Variants in CSMD1 observed in about 807,000 individuals in gnomAD.
The protein encoded by CSMD1 is CUB and sushi domain-containing protein 1.
Under a neutral mutation model 417.5 loss-of-function variants are expected in CSMD1, and 213 were observed. The observed-to-expected ratio is 0.51, with a 90% CI of 0.46 to 0.57. CSMD1 has a LOEUF of 0.57. Among genes scored for constraint, CSMD1 ranks in the 20% least tolerant of loss-of-function variants. The pLI is 0.00. For synonymous variants in CSMD1, 2,862 were observed against 1,736.8 expected (o/e 1.65, Z -16.11); for missense variants, 6,923 against 4,529.7 (o/e 1.53, Z -15.17).
intron 21 of CSMD1, among the ~76,000 whole-genome samples, chr8:3,350,130 TATA>T (rs1402908384): frequency 2.9e-5 from 3 of 103,038 alleles, no homozygotes; most frequent in Non-Finnish European, 4.0e-5. Context: ...TTACAATACC[TATA>T]ATAACCTATA....
At chr8:3,789,868 A>G (rs1167770620) in intron 5 of CSMD1, among the ~76,000 whole-genome samples, 1 of 151,724 alleles carries the variant, frequency 6.6e-6, no homozygotes, top group Admixed American at 6.6e-5. Flanking sequence ...AGTAGCTGGG[A>G]CTACAGCTGC....
At chr8:3,251,653 G>C (rs1800271631) in intron 26 of CSMD1, among the ~76,000 whole-genome samples, 1 of 152,108 alleles carries the variant, frequency 6.6e-6, no homozygotes, top group African/African-American at 2.4e-5. Flanking sequence ...ATTACCTTGG[G>C]CAGCATGGGC....
intron 1 of CSMD1, among the ~76,000 whole-genome samples, chr8:4,904,479 G>A (rs1413570357): frequency 6.6e-6 from 1 of 152,100 alleles, no homozygotes; most frequent in East Asian, 1.9e-4. Context: ...CAAACAGCTG[G>A]TAGGGCTCAA....
intron 2 of CSMD1, among the ~76,000 whole-genome samples, chr8:4,438,862 C>T (rs895910116): frequency 1.8e-4 from 27 of 152,260 alleles, no homozygotes; most frequent in East Asian, 5.8e-4. Context: ...ATCTGTATCA[C>T]GTTCCCTTGA....
At chr8:3,784,863 C>T (rs558997695) in intron 5 of CSMD1, among the ~76,000 whole-genome samples, 1 of 152,322 alleles carries the variant, frequency 6.6e-6, no homozygotes, top group South Asian at 2.1e-4. Flanking sequence ...CATCACAATA[C>T]TGATGTTAAC....
intron 3 of CSMD1, among the ~76,000 whole-genome samples, chr8:4,123,877 G>C (rs1802619293): frequency 6.6e-6 from 1 of 152,092 alleles, no homozygotes; most frequent in Non-Finnish European, 1.5e-5. Context: ...ACATTCCAGG[G>C]TTGTATGTGA....
rs146457961 is a variant in CSMD1 at position 4,937,811 on chromosome 8, C to T, written c.85+56521G>A. ...ACACACACACACACACACACAACTA[C>T]AAAGTGTCAGAATTTTAATCACACA... On this transcript the variant is annotated intron_variant, in intron 1 of 69. Transcript: ENST00000635120. Among the ~76,000 whole-genome samples the T allele has an allele frequency of 1.2e-3, 187 of 151,754 alleles. 1 individual carries two copies. The highest frequency in any genetic ancestry group is 4.4e-3 in the African/African-American group (181 of 41,410).
At chr8:4,095,830 T>A (rs1031031087) in intron 3 of CSMD1, among the ~76,000 whole-genome samples, 2 of 152,240 alleles carry the variant, frequency 1.3e-5, no homozygotes, top group African/African-American at 4.8e-5. Context: ...TGTTTTTGCA[T>A]TGGAATGTAT....
At chr8:3,106,897 G>A in intron 45 of CSMD1, 1 of 330,856 alleles carries the variant, frequency 3.0e-6, no homozygotes, top group South Asian at 8.0e-5. Context: ...AGGCATCCGT[G>A]TTGGTTTCCC....
At position 4,500,535 on chromosome 8, in the gene CSMD1, A is replaced by T. The variant is rs186136762; in HGVS notation, c.303-80470T>A. 2.6e-5 allele frequency among the ~76,000 whole-genome samples: 4 copies of T among 152,288 alleles called. No individual in the cohort carries two copies. In the East Asian group the frequency reaches 7.7e-4, roughly 29 times the overall value. On this transcript the variant is annotated intron_variant, in intron 2 of 69. Coordinates refer to ENST00000635120, the MANE Select transcript of CSMD1 (RefSeq NM_033225.6). ...AAGCATTTAAGATGAAGGAATCTACAGAGTTTATCTTGGGTGCCACAGACT... is the reference window on the plus strand; with the variant it reads ...AAGCATTTAAGATGAAGGAATCTACTGAGTTTATCTTGGGTGCCACAGACT...
intron 10 of CSMD1, among the ~76,000 whole-genome samples, chr8:3,518,313 C>T (rs1260045781): frequency 6.6e-6 from 1 of 152,118 alleles, no homozygotes; most frequent in Non-Finnish European, 1.5e-5. Flanking sequence ...AAAGCTGACG[C>T]AAATTCCTCT....
intron 10 of CSMD1, among the ~76,000 whole-genome samples, chr8:3,530,244 T>C (rs1797921539): frequency 6.6e-6 from 1 of 152,220 alleles, no homozygotes; most frequent in Non-Finnish European, 1.5e-5. Context: ...CTCTTTAAAA[T>C]ATATTAGGTT....
chr8:3,881,346 C>G (rs1585133308), intron 5 of CSMD1, among the ~76,000 whole-genome samples: 1 of 150,246 alleles, frequency 6.7e-6, no homozygotes, highest in Admixed American at 6.6e-5. Context: ...ATATAAAAAG[C>G]AAGTTGGGGC....
At chr8:4,201,209 GGC>G (rs1799624528) in intron 3 of CSMD1, among the ~76,000 whole-genome samples, 1 of 152,098 alleles carries the variant, frequency 6.6e-6, no homozygotes, top group Non-Finnish European at 1.5e-5. Flanking sequence ...TCCAATACAT[GGC>G]ACAAAGAAAA....
At chr8:4,095,879 G>A (rs945897667) in intron 3 of CSMD1, among the ~76,000 whole-genome samples, 1 of 152,136 alleles carries the variant, frequency 6.6e-6, no homozygotes, top group East Asian at 1.9e-4. Context: ...AACTATCAAT[G>A]TTAAGAGTAG....
chr8:3,590,668 C>T (rs975600179), intron 8 of CSMD1, among the ~76,000 whole-genome samples: 6 of 152,114 alleles, frequency 3.9e-5, no homozygotes, highest in African/African-American at 1.2e-4. Flanking sequence ...AATTTCAAAG[C>T]ATTAAAAATA....
rs750929251 is a variant in CSMD1, at chr8:2,938,692, C to A, written c.10588G>T (p.Gly3530Ter). The change falls in exon 70 of 70, where the codon GGA becomes TGA. Residue 3530 changes from glycine to a stop codon, truncating the protein, a stop_gained. Transcript: ENST00000635120. LOFTEE classifies it high-confidence loss of function. ...NGYAGHENSN[G>*]QASFENPMYD... Reference sequence around the variant, plus strand: ...ATGGGGTTTTCAAACGATGCTTGTCCATTGCTGTTTTCATGCCCAGCATAG... The same window carrying A: ...ATGGGGTTTTCAAACGATGCTTGTCAATTGCTGTTTTCATGCCCAGCATAG... 3 of 1,611,840 alleles carry A rather than the reference C, an allele frequency of 1.9e-6. No individual in the cohort carries two copies. The highest frequency in any genetic ancestry group is 2.5e-6 in the Non-Finnish European group (3 of 1,178,888).
rs374376735 is a variant in CSMD1 at position 4,916,783 on chromosome 8, C to T, written c.85+77549G>A. 3.8e-4 allele frequency among the ~76,000 whole-genome samples: 58 copies of T among 152,274 alleles called. No homozygotes were observed. In the South Asian group the frequency reaches 9.9e-3, roughly 26 times the overall value. Reference sequence around the variant, plus strand: ...ATTTTAACAAAGTGACAGCTAGATGCTAACGTAGGCTTTACTATATTAAAA... The same window carrying T: ...ATTTTAACAAAGTGACAGCTAGATGTTAACGTAGGCTTTACTATATTAAAA... On this transcript the variant is annotated intron_variant, in intron 1 of 69. Transcript: ENST00000635120.
intron 3 of CSMD1, among the ~76,000 whole-genome samples, chr8:4,224,469 T>G (rs2128810069): frequency 6.6e-6 from 1 of 152,004 alleles, no homozygotes; most frequent in East Asian, 1.9e-4. Context: ...GGGGAATAGT[T>G]GCTCTGACCC....
Sources: allele counts gnomAD v4.1 joint callset (sites outside exome capture counted in the v4.1 genomes callset), GRCh38; gene constraint gnomAD v4.1.1; transcripts MANE v1.5; gene names NCBI Gene and HGNC (gene_info 2026-07-23, HGNC 2026-07-21).